Variants in MYO3A observed in about 807,000 individuals in gnomAD.
MYO3A encodes the protein myosin IIIA.
MYO3A carries 180 observed loss-of-function variants against 192.7 expected under a neutral mutation model. The ratio of observed to expected loss-of-function variants is 0.93; its 90% confidence interval spans 0.83 to 1.06. MYO3A has a LOEUF of 1.06. MYO3A is among the 50% of genes least tolerant of loss of function. The pLI is 0.00. For missense variants in MYO3A, 1,896 were observed against 1,905.0 expected, an observed-to-expected ratio of 1.00 and a Z score of 0.09; for synonymous variants, 628 against 645.3, an observed-to-expected ratio of 0.97 and a Z score of 0.41.
At chr10:26,032,981 A>G (rs1842869389) in intron 10 of MYO3A, among the ~76,000 whole-genome samples, 1 of 152,216 alleles carries the variant, frequency 6.6e-6, no homozygotes, top group Admixed American at 6.5e-5. Flanking sequence ...TTCAATTCCT[A>G]TCTCCACATG....
At position 26,211,990 on chromosome 10, in the gene MYO3A, CG is replaced by C; in HGVS notation, c.*29del. 4.4e-6 allele frequency: 7 copies of C among 1,607,260 alleles called. No individual in the cohort carries two copies. Among genetic ancestry groups the C allele is most frequent in the Non-Finnish European group, 6.0e-6 (7 of 1,174,974 alleles). On this transcript the variant is annotated 3_prime_UTR_variant, in exon 35 of 35. Transcript: ENST00000642920. The stretch of plus-strand genomic sequence containing the variant: ...CGTTCAACGAGGCAGTCACCGCCGT[CG>C]GAAGGCGCTGGAGCCTGCGGGGCAG...
Position 26,128,595 on chromosome 10 carries a change from G to A in MYO3A, c.2262+57G>A. 4 of 1,525,914 alleles carry A rather than the reference G, an allele frequency of 2.6e-6. No homozygotes were observed. The East Asian group carries it at 9.1e-5, about 35-fold the overall frequency. 94.5% of individuals were successfully genotyped at this position (1,525,914 alleles called of 1,614,324 possible). A position where few individuals can be genotyped will look rare whatever the true frequency, so the allele number is the denominator to read the frequency against. ...GCATGCATGTATTATAGGCAGACTT[G>A]TACAAATGAAGCAGGACCTTAACCA... On this transcript the variant is annotated intron_variant, in intron 20 of 34. Transcript: ENST00000642920.
At chr10:25,965,193 A>G (rs1452302091) in intron 4 of MYO3A, among the ~76,000 whole-genome samples, 3 of 152,112 alleles carry the variant, frequency 2.0e-5, no homozygotes, top group Non-Finnish European at 4.4e-5. Flanking sequence ...TAAACATTCT[A>G]CACCTGTCTC....
At chr10:26,047,226 C>T (rs962855209) in intron 10 of MYO3A, among the ~76,000 whole-genome samples, 4 of 151,526 alleles carry the variant, frequency 2.6e-5, no homozygotes, top group African/African-American at 9.7e-5. Context: ...TACTTAAATA[C>T]AAAGAAATAA....
chr10:26,050,749 AT>A (rs1163603193), intron 10 of MYO3A, among the ~76,000 whole-genome samples: 16 of 152,004 alleles, frequency 1.1e-4, no homozygotes, highest in Admixed American at 1.0e-3. Context: ...CCAGTATGAC[AT>A]TTTTTTTCTT....
chr10:26,193,455 T>C (rs1228054799), intron 32 of MYO3A, 144 bp downstream of exon 32: 1 of 696,018 alleles, frequency 1.4e-6, no homozygotes, highest in African/African-American at 1.8e-5. Flanking sequence ...TGCCCTCCCC[T>C]GGCTGGGGAT....
intron 26 of MYO3A, among the ~76,000 whole-genome samples, chr10:26,157,804 T>G (rs1841234158): frequency 6.6e-6 from 1 of 152,178 alleles, no homozygotes. Context: ...ACTTGCTATG[T>G]GACTGTAGGC....
chr10:26,153,565 C>T (rs1057188794), intron 23 of MYO3A, among the ~76,000 whole-genome samples: 3 of 152,096 alleles, frequency 2.0e-5, no homozygotes, highest in African/African-American at 7.2e-5. Context: ...CAAACTGCTC[C>T]CTCAATCATA....
chr10:25,963,852 T>C (rs1838093758), intron 4 of MYO3A, among the ~76,000 whole-genome samples: 1 of 152,006 alleles, frequency 6.6e-6, no homozygotes, highest in African/African-American at 2.4e-5. Context: ...TTAGGAAATT[T>C]ATACATAATA....
At chr10:26,106,035 T>G (rs946331245) in intron 17 of MYO3A, among the ~76,000 whole-genome samples, 2 of 152,112 alleles carry the variant, frequency 1.3e-5, no homozygotes, top group African/African-American at 4.8e-5. Flanking sequence ...AGTGGTTTGA[T>G]TCTGTGTTTT....
At chr10:26,123,614 G>A (rs1205271414) in intron 18 of MYO3A, among the ~76,000 whole-genome samples, 1 of 152,152 alleles carries the variant, frequency 6.6e-6, no homozygotes. Flanking sequence ...ATTTTGAAGA[G>A]CAGTTAAATA....
At chr10:25,944,457 G>A (rs1292110984) in intron 2 of MYO3A, among the ~76,000 whole-genome samples, 1 of 152,024 alleles carries the variant, frequency 6.6e-6, no homozygotes, top group Non-Finnish European at 1.5e-5. Flanking sequence ...TTTTGGAAGA[G>A]TTTGAGAAGG....
intron 34 of MYO3A, among the ~76,000 whole-genome samples, chr10:26,211,558 C>A (rs1445901181): frequency 6.6e-6 from 1 of 152,202 alleles, no homozygotes; most frequent in African/African-American, 2.4e-5. Flanking sequence ...AATCCAAACT[C>A]ACCTTTCCAA....
In MYO3A at chr10:26,184,861, TCAC is replaced by T. The variant is rs1435974641; in HGVS notation, c.4438+8017_4438+8019del. 5.9e-5 allele frequency among the ~76,000 whole-genome samples: 9 copies of T among 152,350 alleles called. No individual in the cohort carries two copies. In the East Asian group the frequency reaches 1.7e-3, roughly 29 times the overall value. The stretch of plus-strand genomic sequence containing the variant: ...TAATTTGTGATTATAAATGTTTATG[TCAC>T]TTTTGTAATTAAGGGGTTAGGATGA... On this transcript the variant is annotated intron_variant, in intron 31 of 34. Transcript: ENST00000642920.
At chr10:26,006,373 C>T (rs888691111) in intron 6 of MYO3A, among the ~76,000 whole-genome samples, 3 of 152,138 alleles carry the variant, frequency 2.0e-5, no homozygotes, top group African/African-American at 7.2e-5. Context: ...CAAGAAATAA[C>T]TAAAATCAGA....
intron 27 of MYO3A, among the ~76,000 whole-genome samples, chr10:26,168,181 T>A (rs1413765396): frequency 6.6e-6 from 1 of 152,104 alleles, no homozygotes; most frequent in Non-Finnish European, 1.5e-5. Flanking sequence ...CTGACAACAA[T>A]ACCAGCCCCA....
chr10:25,951,102 CA>C (rs1004801394), intron 2 of MYO3A, among the ~76,000 whole-genome samples: 2 of 152,110 alleles, frequency 1.3e-5, no homozygotes, highest in African/African-American at 4.8e-5. Flanking sequence ...ATTATTTCAG[CA>C]GTGTGCCAGG....
intron 29 of MYO3A, among the ~76,000 whole-genome samples, chr10:26,172,860 C>T (rs1474439820): frequency 1.3e-5 from 2 of 151,988 alleles, no homozygotes; most frequent in African/African-American, 4.8e-5. Flanking sequence ...AAGAAGAGTC[C>T]GACTTCACAA....
chr10:25,962,099 G>A (rs1284488587), intron 4 of MYO3A, among the ~76,000 whole-genome samples: 1 of 152,020 alleles, frequency 6.6e-6, no homozygotes, highest in African/African-American at 2.4e-5. Context: ...TTTTCACAAC[G>A]AAAAATCACT....
Sources: gnomAD v4.1 joint callset for allele counts (sites outside exome capture counted in the v4.1 genomes callset) on GRCh38, gnomAD v4.1.1 for gene constraint, MANE v1.5 for transcripts, NCBI Gene and HGNC (gene_info 2026-07-23, HGNC 2026-07-21) for gene names.